The following ZBTB20 variants were observed in gnomAD, a reference collection of about 807,000 sequenced individuals.
The protein encoded by ZBTB20 is zinc finger and BTB domain containing 20.
In ZBTB20, 9 loss-of-function variants were observed where a neutral mutation model predicts 56.9. The observed-to-expected ratio is 0.16, with a 90% CI of 0.10 to 0.28. The LOEUF (loss-of-function observed/expected upper bound fraction) is 0.28, where lower values mean the gene tolerates loss of function less well. Ranked by LOEUF, ZBTB20 falls within the 10% of genes least tolerant of loss-of-function variation. The pLI is 1.00. For missense variants in ZBTB20, 655 were observed against 1,003.0 expected, an observed-to-expected ratio of 0.65 and a Z score of 4.69; for synonymous variants, 417 against 420.7, an observed-to-expected ratio of 0.99 and a Z score of 0.11.
chr3:114,378,135 C>T (rs2083876877), intron 10 of ZBTB20, among the ~76,000 whole-genome samples: 1 of 151,906 alleles, frequency 6.6e-6, no homozygotes, highest in Non-Finnish European at 1.5e-5. Flanking sequence ...AGAAGAGCAT[C>T]CAAAAATTTT....
chr3:114,892,663 C>A lies in ZBTB20; in HGVS notation c.-417+7641G>T, dbSNP rs1184030708. Among the ~76,000 whole-genome samples the A allele has an allele frequency of 4.2e-5, 6 of 143,458 alleles. No homozygotes were observed. In the East Asian group the frequency reaches 1.3e-3, roughly 30 times the overall value. The allele number at this position is 143,458 out of a possible 152,430, so 94.1% of individuals were successfully genotyped here. A position where few individuals can be genotyped will look rare whatever the true frequency, so the allele number is the denominator to read the frequency against. On this transcript the variant is annotated intron_variant, in intron 4 of 11. Transcript: ENST00000675478. Reference sequence around the variant, plus strand: ...CTCACTCTAGTGAGTTGCAAAAAAACAAGCAGGTGCTAGCAATCTGAGAGA... The same window carrying A: ...CTCACTCTAGTGAGTTGCAAAAAAAAAAGCAGGTGCTAGCAATCTGAGAGA...
At chr3:114,813,003 C>G (rs1578986158) in intron 4 of ZBTB20, among the ~76,000 whole-genome samples, 1 of 152,228 alleles carries the variant, frequency 6.6e-6, no homozygotes, top group Admixed American at 6.5e-5. Flanking sequence ...CCGCAAGCAC[C>G]GCGCGCAGCC....
At chr3:114,510,508 T>G (rs1338093468) in intron 6 of ZBTB20, among the ~76,000 whole-genome samples, 1 of 152,022 alleles carries the variant, frequency 6.6e-6, no homozygotes. Flanking sequence ...TTTTTTTTTT[T>G]TCTCATTTCA....
chr3:114,569,978 A>C (rs918870338), intron 6 of ZBTB20, among the ~76,000 whole-genome samples: 3 of 151,736 alleles, frequency 2.0e-5, no homozygotes, highest in Non-Finnish European at 4.4e-5. Context: ...AGTCTGAAAT[A>C]CTGTTTATTT....
At chr3:114,552,987 G>C (rs2050763575) in intron 6 of ZBTB20, among the ~76,000 whole-genome samples, 2 of 152,186 alleles carry the variant, frequency 1.3e-5, no homozygotes, top group African/African-American at 4.8e-5. Flanking sequence ...ACTCCAAGAA[G>C]TGTCCTCAAT....
At chr3:114,775,414 G>A (rs2069517819) in intron 5 of ZBTB20, among the ~76,000 whole-genome samples, 4 of 151,812 alleles carry the variant, frequency 2.6e-5, no homozygotes, top group Admixed American at 2.6e-4. Context: ...TAATCATGTT[G>A]ATATTTCTTT....
intron 1 of ZBTB20, among the ~76,000 whole-genome samples, chr3:115,110,496 T>A (rs987031110): frequency 6.6e-5 from 10 of 152,258 alleles, no homozygotes; most frequent in Non-Finnish European, 1.5e-4. Context: ...TCTTCATTTG[T>A]ATTAAATACA....
At chr3:114,644,110 A>T (rs1435415121) in intron 6 of ZBTB20, among the ~76,000 whole-genome samples, 1 of 152,084 alleles carries the variant, frequency 6.6e-6, no homozygotes, top group Non-Finnish European at 1.5e-5. Flanking sequence ...TAACAAAATG[A>T]ATAACAATTC....
At chr3:115,133,535 T>A (rs2084569885) in intron 1 of ZBTB20, among the ~76,000 whole-genome samples, 1 of 152,160 alleles carries the variant, frequency 6.6e-6, no homozygotes, top group African/African-American at 2.4e-5. Flanking sequence ...TCACTCCCCA[T>A]TTTTCCTTCT....
chr3:114,703,672 A>T (rs2063531693), intron 5 of ZBTB20, among the ~76,000 whole-genome samples: 1 of 152,242 alleles, frequency 6.6e-6, no homozygotes, highest in Non-Finnish European at 1.5e-5. Flanking sequence ...ACAGACAGTG[A>T]TATGAAAGTA....
At position 114,335,290 on chromosome 3, in the gene ZBTB20, G is replaced by A. The variant is rs2079412763; in HGVS notation, c.*3715C>T. Reference sequence around the variant, plus strand: ...TTATCTATCTGTTTCCTGGCTACTAGAAAGAAATTTTTTTAGCACTCATAT... The same window carrying A: ...TTATCTATCTGTTTCCTGGCTACTAAAAAGAAATTTTTTTAGCACTCATAT... On this transcript the variant is annotated 3_prime_UTR_variant, in exon 12 of 12. Transcript: ENST00000675478. 6.6e-6 allele frequency: 1 copy of A among 152,028 alleles called. No individual in the cohort carries two copies. Among genetic ancestry groups the A allele is most frequent in the Admixed American group, 6.5e-5 (1 of 15,272 alleles). The allele number at this position is 152,028 out of a possible 1,614,324, so 9.4% of individuals were successfully genotyped here.
intron 5 of ZBTB20, among the ~76,000 whole-genome samples, chr3:114,728,232 G>A (rs1560177171): frequency 6.6e-6 from 1 of 152,248 alleles, no homozygotes; most frequent in East Asian, 1.9e-4. Context: ...AAGGAGAAAT[G>A]CATTTGTATG....
At chr3:114,551,207 A>G (rs929594319) in intron 6 of ZBTB20, among the ~76,000 whole-genome samples, 7 of 152,238 alleles carry the variant, frequency 4.6e-5, no homozygotes, top group Non-Finnish European at 8.8e-5. Context: ...TTATCAGTCT[A>G]TCATTCTGTA....
intron 8 of ZBTB20, among the ~76,000 whole-genome samples, chr3:114,384,608 T>C (rs1036675871): frequency 2.0e-5 from 3 of 152,232 alleles, no homozygotes; most frequent in Admixed American, 1.3e-4. Context: ...ATTTCTGTTA[T>C]GAGAAAAGGC....
At chr3:114,744,367 G>C (rs540527379) in intron 5 of ZBTB20, among the ~76,000 whole-genome samples, 38 of 152,194 alleles carry the variant, frequency 2.5e-4, no homozygotes, top group African/African-American at 8.7e-4. Flanking sequence ...CTAGTGGTTT[G>C]GTTTTCACTA....
intron 6 of ZBTB20, among the ~76,000 whole-genome samples, chr3:114,667,011 T>G (rs2061096200): frequency 6.6e-6 from 1 of 152,042 alleles, no homozygotes; most frequent in South Asian, 2.1e-4. Context: ...ATATGAAATG[T>G]GTAAAAGCGT....
chr3:115,081,919 T>C (rs537467234), intron 1 of ZBTB20, among the ~76,000 whole-genome samples: 2 of 152,270 alleles, frequency 1.3e-5, no homozygotes, highest in Admixed American at 6.5e-5. Context: ...TCAGACACAA[T>C]AGTTACAGTG....
chr3:115,025,311 GTGTATA>G (rs1457814199), intron 2 of ZBTB20, among the ~76,000 whole-genome samples: 2 of 151,336 alleles, frequency 1.3e-5, no homozygotes, highest in African/African-American at 4.8e-5. Context: ...GTATTCCATG[GTGTATA>G]TGTACTACAT....
chr3:114,640,581 T>C (rs1177958098), intron 6 of ZBTB20, among the ~76,000 whole-genome samples: 1 of 152,082 alleles, frequency 6.6e-6, no homozygotes, highest in Non-Finnish European at 1.5e-5. Flanking sequence ...TCAGTTCCAA[T>C]GGCCCAGTCA....
Sources: gnomAD v4.1 joint callset for allele counts (sites outside exome capture counted in the v4.1 genomes callset) on GRCh38, gnomAD v4.1.1 for gene constraint, MANE v1.5 for transcripts, NCBI Gene and HGNC (gene_info 2026-07-23, HGNC 2026-07-21) for gene names.